Variants in PKN2 observed in about 807,000 individuals in gnomAD.
PKN2 encodes serine/threonine-protein kinase N2.
A neutral mutation model predicts 119.1 loss-of-function variants in PKN2; 38 were observed. The observed-to-expected ratio is 0.32, with a 90% CI of 0.25 to 0.42. The LOEUF (loss-of-function observed/expected upper bound fraction) is 0.42. PKN2 is among the 10% of genes least tolerant of loss of function. PKN2 has a pLI of 1.00. For synonymous variants in PKN2, 390 were observed against 384.9 expected, an observed-to-expected ratio of 1.01 and a Z score of -0.15; for missense variants, 850 against 1,165.1, an observed-to-expected ratio of 0.73 and a Z score of 3.94.
intron 1 of PKN2, among the ~76,000 whole-genome samples, chr1:88,726,691 T>C (rs1667912084): frequency 6.6e-6 from 1 of 152,190 alleles, no homozygotes; most frequent in Non-Finnish European, 1.5e-5. Flanking sequence ...GTATTTCCTC[T>C]GATTTTCTGG....
intron 1 of PKN2, among the ~76,000 whole-genome samples, chr1:88,736,298 AG>A (rs1668346358): frequency 6.6e-6 from 1 of 151,946 alleles, no homozygotes; most frequent in African/African-American, 2.4e-5. Context: ...CCATCACTTT[AG>A]GGTTGTTTCC....
At chr1:88,738,168 AAAACAAAC>A (rs140575497) in intron 1 of PKN2, among the ~76,000 whole-genome samples, 1 of 147,388 alleles carries the variant, frequency 6.8e-6, no homozygotes, top group South Asian at 2.1e-4. Flanking sequence ...AAGTCATTAA[AAAACAAAC>A]AAACAAAAAA....
intron 16 of PKN2, among the ~76,000 whole-genome samples, chr1:88,819,126 A>G (rs1218610471): frequency 6.6e-6 from 1 of 152,218 alleles, no homozygotes; most frequent in Non-Finnish European, 1.5e-5. Flanking sequence ...ATGGGCAAAG[A>G]CTTCATGACT....
chr1:88,689,023 A>G lies in PKN2; in HGVS notation c.48+4395A>G, dbSNP rs764102424. 3.2e-4 allele frequency among the ~76,000 whole-genome samples: 49 copies of G among 152,192 alleles called. 1 individual carries two copies. Among genetic ancestry groups the G allele is most frequent in the Non-Finnish European group, 4.3e-4 (29 of 68,040 alleles). Reference sequence around the variant, plus strand: ...CATATAGCACACTGGTAGTTTACTCATTTAATGGAAAATGAGAAGACGGCA... The same window carrying G: ...CATATAGCACACTGGTAGTTTACTCGTTTAATGGAAAATGAGAAGACGGCA... On this transcript the variant is annotated intron_variant, in intron 1 of 21. Coordinates refer to ENST00000370521, the MANE Select transcript of PKN2 (RefSeq NM_006256.4).
intron 1 of PKN2, among the ~76,000 whole-genome samples, chr1:88,718,244 G>A (rs543732124): frequency 4.6e-5 from 7 of 152,222 alleles, no homozygotes; most frequent in Non-Finnish European, 1.0e-4. Flanking sequence ...CTACTAGGAG[G>A]TGTCTCCCAG....
rs368094755 is a variant in PKN2 at position 88,764,857 on chromosome 1, T to A, written c.504+4481T>A. On this transcript the variant is annotated intron_variant, in intron 3 of 21. Coordinates refer to ENST00000370521, the MANE Select transcript of PKN2 (RefSeq NM_006256.4). ...GTTTTTGTTTTGTCCTTTGGAATGA[T>A]CTCTGGGGGCTTGATAAGACATGTT... 2.0e-4 allele frequency among the ~76,000 whole-genome samples: 30 copies of A among 152,278 alleles called. 1 individual carries two copies. In the East Asian group the frequency reaches 5.0e-3, roughly 25 times the overall value.
chr1:88,715,365 T>C (rs995837139), intron 1 of PKN2, among the ~76,000 whole-genome samples: 1 of 152,240 alleles, frequency 6.6e-6, no homozygotes, highest in African/African-American at 2.4e-5. Context: ...TTTGTACCTG[T>C]GGTAAAATTT....
chr1:88,790,630 A>G (rs986719668), intron 8 of PKN2, among the ~76,000 whole-genome samples: 1 of 152,286 alleles, frequency 6.6e-6, no homozygotes, highest in South Asian at 2.1e-4. Flanking sequence ...GGATTCTGAA[A>G]TTTCACAGTA....
chr1:88,830,428 G>A (rs1289241599), intron 19 of PKN2, among the ~76,000 whole-genome samples: 1 of 152,082 alleles, frequency 6.6e-6, no homozygotes, highest in Non-Finnish European at 1.5e-5. Context: ...GTAAGCTCTG[G>A]CATACTTGAA....
chr1:88,769,554 C>T (rs1669802002), intron 3 of PKN2, among the ~76,000 whole-genome samples: 1 of 151,940 alleles, frequency 6.6e-6, no homozygotes, highest in Non-Finnish European at 1.5e-5. Flanking sequence ...AGATTCAAAC[C>T]TACAGTATCT....
chr1:88,716,232 A>G (rs534266649), intron 1 of PKN2, among the ~76,000 whole-genome samples: 1 of 152,270 alleles, frequency 6.6e-6, no homozygotes, highest in Non-Finnish European at 1.5e-5. Flanking sequence ...CAATTTTGGA[A>G]TAAGTGCGAT....
chr1:88,704,608 A>G (rs1666900055), intron 1 of PKN2, among the ~76,000 whole-genome samples: 1 of 151,976 alleles, frequency 6.6e-6, no homozygotes, highest in Non-Finnish European at 1.5e-5. Flanking sequence ...CTTTTCCACT[A>G]GTAGTGTTTA....
rs1309968358 is a variant in PKN2 at position 88,741,283 on chromosome 1, T to C, written c.344T>C (p.Ile115Thr). Residue 115 changes from isoleucine (I) to threonine (T), a missense_variant, in exon 2 of 22, where the codon ATT (isoleucine) becomes ACT (threonine). Ile to Thr is a moderately conservative substitution (Grantham distance 89). Around this residue, in one of 9 missense-constraint regions of PKN2, gnomAD observed 350 missense variants for 511.1 expected, o/e 0.68. Transcript: ENST00000370521. Reference protein sequence around the residue: ...AHIVVSDPEDITDCPRTPDTP... With the variant: ...AHIVVSDPEDTTDCPRTPDTP... ...ATTGTTGTATCAGATCCAGAAGATA[T>C]TACAGGTATAGTAGTGCTTTATTTG... 1 of 1,562,300 alleles carries C rather than the reference T, an allele frequency of 6.4e-7. No homozygotes were observed. Among genetic ancestry groups the C allele is most frequent in the African/African-American group, 1.4e-5 (1 of 72,486 alleles).
intron 15 of PKN2, among the ~76,000 whole-genome samples, chr1:88,812,389 C>T (rs1210748321): frequency 6.6e-6 from 1 of 152,142 alleles, no homozygotes; most frequent in Non-Finnish European, 1.5e-5. Context: ...CAGTTGAGAA[C>T]AGTTGTTTCA....
rs761558099 is a variant in PKN2 at position 88,805,571 on chromosome 1, C to G, written c.1576C>G (p.Pro526Ala). The change falls in exon 11 of 22, where the codon CCT becomes GCT. Residue 526 changes from proline to alanine, a missense_variant. Transcript: ENST00000370521. ...TWGRLVRRAI[P>A]TVNHSGTFSP... ...GGGAAGGCTAGTAAGAAGAGCTATT[C>G]CTACAGTAAATCATTCTGGCACCTT... 6.2e-7 allele frequency: 1 copy of G among 1,613,844 alleles called. No individual in the cohort carries two copies. The highest frequency in any genetic ancestry group is 8.5e-7 in the Non-Finnish European group (1 of 1,179,850).
At chr1:88,747,357 T>G (rs1192565159) in intron 2 of PKN2, among the ~76,000 whole-genome samples, 1 of 152,164 alleles carries the variant, frequency 6.6e-6, no homozygotes, top group Non-Finnish European at 1.5e-5. Context: ...AAACATCACA[T>G]TATACCCCAT....
chr1:88,689,939 A>G (rs1479425137), intron 1 of PKN2, among the ~76,000 whole-genome samples: 1 of 152,240 alleles, frequency 6.6e-6, no homozygotes, highest in Non-Finnish European at 1.5e-5. Context: ...CTTATAGACT[A>G]CCACAATGTT....
chr1:88,721,420 A>C lies in PKN2; in HGVS notation c.49-19568A>C, dbSNP rs150808930. Among the ~76,000 whole-genome samples, 420 of 152,286 alleles carry C rather than the reference A, an allele frequency of 2.8e-3. 1 individual carries two copies. The highest frequency in any genetic ancestry group is 9.6e-3 in the African/African-American group (401 of 41,558). On this transcript the variant is annotated intron_variant, in intron 1 of 21. Coordinates refer to ENST00000370521, the MANE Select transcript of PKN2 (RefSeq NM_006256.4). The stretch of plus-strand genomic sequence containing the variant: ...TATTGGTTAGTAATAGGTATACGGA[A>C]CTAATTATCATTATTTCTTATATTG...
At chr1:88,826,494 T>C (rs1393269923) in intron 18 of PKN2, among the ~76,000 whole-genome samples, 2 of 152,268 alleles carry the variant, frequency 1.3e-5, no homozygotes, top group South Asian at 2.1e-4. Context: ...ATAAATTGCA[T>C]AGTGGTGAAA....
Sources: allele counts gnomAD v4.1 joint callset (sites outside exome capture counted in the v4.1 genomes callset), GRCh38; gene constraint gnomAD v4.1.1; regional missense constraint gnomAD v4.1.1; transcripts MANE v1.5; gene names NCBI Gene and HGNC (gene_info 2026-07-23, HGNC 2026-07-21).